Variants in DNAH9 observed in about 807,000 individuals in gnomAD.
DNAH9 encodes dynein axonemal heavy chain 9.
A neutral mutation model predicts 471.6 loss-of-function variants in DNAH9; 345 were observed. That is an observed-to-expected ratio of 0.73 (90% CI 0.67 to 0.80). The LOEUF (loss-of-function observed/expected upper bound fraction) is 0.80. Among genes scored for constraint, DNAH9 ranks in the 30% least tolerant of loss-of-function variants. The pLI is 0.00. For synonymous variants in DNAH9, 2,093 were observed against 2,123.6 expected, an observed-to-expected ratio of 0.99 and a Z score of 0.40; for missense variants, 5,407 against 5,609.2, an observed-to-expected ratio of 0.96 and a Z score of 1.15.
intron 43 of DNAH9, among the ~76,000 whole-genome samples, chr17:11,800,543 C>T (rs1174876851): frequency 2.0e-5 from 3 of 152,128 alleles, no homozygotes; most frequent in Non-Finnish European, 2.9e-5. Context: ...CCCATTTCTC[C>T]GCTCCTATCC....
At chr17:11,784,603 A>G (rs954682390) in intron 41 of DNAH9, 64 bp downstream of exon 41, 253 of 1,607,224 alleles carry the variant, frequency 1.6e-4, no homozygotes, top group Non-Finnish European at 2.0e-4. Flanking sequence ...CCGATTCTTC[A>G]TAAAAATAAG....
chr17:11,667,044 G>A (rs1178033781), intron 15 of DNAH9, among the ~76,000 whole-genome samples: 1 of 152,080 alleles, frequency 6.6e-6, no homozygotes, highest in Non-Finnish European at 1.5e-5. Context: ...TGTGGAACCA[G>A]GACAATCTGC....
chr17:11,906,573 G>A (rs930222437), intron 61 of DNAH9, among the ~76,000 whole-genome samples: 10 of 150,592 alleles, frequency 6.6e-5, no homozygotes, highest in African/African-American at 2.2e-4. Flanking sequence ...GTTGCAGTGA[G>A]CTGAGACCGC....
rs1489865310 is a variant in DNAH9, at chr17:11,643,672, G to A, written c.1902-959G>A. 2.0e-5 allele frequency among the ~76,000 whole-genome samples: 3 copies of A among 152,060 alleles called. 1 individual carries two copies. Among genetic ancestry groups the A allele is most frequent in the Non-Finnish European group, 4.4e-5 (3 of 68,020 alleles). On this transcript the variant is annotated intron_variant, in intron 10 of 68. Coordinates refer to ENST00000262442, the MANE Select transcript of DNAH9 (RefSeq NM_001372.4). ...GTCTAGCTTAGCCTAGGAGCAATAC[G>A]CTCTATGATCAACACGCTCTATGAT...
intron 67 of DNAH9, among the ~76,000 whole-genome samples, chr17:11,957,388 G>A (rs1975700116): frequency 6.6e-6 from 1 of 152,002 alleles, no homozygotes; most frequent in Non-Finnish European, 1.5e-5. Flanking sequence ...ATAGACTTAT[G>A]TTTCCCTATT....
In DNAH9 at chr17:11,631,145, C is replaced by T. The variant is rs145766487; in HGVS notation, c.1519-1442C>T. On this transcript the variant is annotated intron_variant, in intron 7 of 68. Coordinates refer to ENST00000262442, the MANE Select transcript of DNAH9 (RefSeq NM_001372.4). Reference sequence around the variant, plus strand: ...TTTTCCAGGACAGGAACAAAGAGCCCGCATCTCACCTGTAGCCCCAGGAAA... The same window carrying T: ...TTTTCCAGGACAGGAACAAAGAGCCTGCATCTCACCTGTAGCCCCAGGAAA... Among the ~76,000 whole-genome samples the T allele has an allele frequency of 6.7e-3, 1,019 of 151,944 alleles. 16 individuals are homozygous for T. Among genetic ancestry groups the T allele is most frequent in the African/African-American group, 0.023 (969 of 41,392 alleles).
intron 62 of DNAH9, among the ~76,000 whole-genome samples, chr17:11,926,042 A>G (rs1412291401): frequency 8.5e-4 from 121 of 142,320 alleles, no homozygotes; most frequent in Non-Finnish European, 1.7e-3. Flanking sequence ...TCTGAAAAAA[A>G]AAAAAAAAAA....
At chr17:11,935,125 C>A (rs1004183908) in intron 65 of DNAH9, among the ~76,000 whole-genome samples, 2 of 151,346 alleles carry the variant, frequency 1.3e-5, no homozygotes, top group South Asian at 4.2e-4. Flanking sequence ...CCACCACACC[C>A]GGTTTTTGTA....
chr17:11,650,628 T>A (rs1382885869), intron 12 of DNAH9, among the ~76,000 whole-genome samples: 1 of 152,240 alleles, frequency 6.6e-6, no homozygotes, highest in Non-Finnish European at 1.5e-5. Flanking sequence ...AACTGTTTCA[T>A]TTGGAGAGAA....
At position 11,797,704 on chromosome 17, in the gene DNAH9, G is replaced by C. The variant is rs368759713; in HGVS notation, c.8331G>C (p.Leu2777Phe). The C allele has an allele frequency of 2.8e-5, 46 of 1,614,160 alleles. No individual in the cohort carries two copies. In the African/African-American group the frequency reaches 5.7e-4, roughly 20 times the overall value. ...TGCCTGTACAGTCTTGGGAACTTTTGACCCAGACTCTGGTGGAGGCCTTGG... is the reference window on the plus strand; with the variant it reads ...TGCCTGTACAGTCTTGGGAACTTTTCACCCAGACTCTGGTGGAGGCCTTGG... ...KYMPVQSWEL[L>F]TQTLVEALEN... Residue 2777 changes from leucine (L) to phenylalanine (F), a missense_variant, in exon 43 of 69, where the codon TTG (leucine) becomes TTC (phenylalanine). Around this residue, in one of 3 missense-constraint regions of DNAH9, gnomAD observed 4,636 missense variants for 4,900.3 expected, o/e 0.95. Coordinates refer to ENST00000262442, the MANE Select transcript of DNAH9 (RefSeq NM_001372.4).
At chr17:11,716,864 G>C (rs573924316) in intron 26 of DNAH9, among the ~76,000 whole-genome samples, 1 of 152,302 alleles carries the variant, frequency 6.6e-6, no homozygotes, top group South Asian at 2.1e-4. Flanking sequence ...CAGACAGCTT[G>C]TCCTCCTGGG....
intron 26 of DNAH9, among the ~76,000 whole-genome samples, chr17:11,717,494 CAT>C (rs752319503): frequency 1.3e-5 from 2 of 152,112 alleles, no homozygotes; most frequent in Non-Finnish European, 2.9e-5. Flanking sequence ...CTGGTCATCT[CAT>C]AATATCAGAT....
At chr17:11,826,620 G>A (rs11078036) in intron 48 of DNAH9, among the ~76,000 whole-genome samples, 86,707 of 149,826 alleles carry the variant, frequency 0.58, 25,209 homozygotes, top group Non-Finnish European at 0.6. Context: ...CACCATGCCC[G>A]GCTAATTTTT....
At chr17:11,832,279 T>A (rs73296468) in intron 48 of DNAH9, among the ~76,000 whole-genome samples, 5,805 of 152,222 alleles carry the variant, frequency 0.038, 249 homozygotes, top group East Asian at 0.16. Flanking sequence ...TGCTGGTGGT[T>A]ATTTACCTTG....
At position 11,750,793 on chromosome 17, in the gene DNAH9, C is replaced by T. The variant is rs187222155; in HGVS notation, c.6611-2040C>T. On this transcript the variant is annotated intron_variant, in intron 32 of 68. Transcript: ENST00000262442. Reference sequence around the variant, plus strand: ...CCTCTAAGGGAAAACTTTTTAAACTCACTTTATTATAAAAGGTAGGCTGGA... The same window carrying T: ...CCTCTAAGGGAAAACTTTTTAAACTTACTTTATTATAAAAGGTAGGCTGGA... Among the ~76,000 whole-genome samples, 665 of 152,198 alleles carry T rather than the reference C, an allele frequency of 4.4e-3. 5 individuals are homozygous for T. The highest frequency in any genetic ancestry group is 6.8e-3 in the Middle Eastern group (2 of 294).
intron 38 of DNAH9, among the ~76,000 whole-genome samples, chr17:11,773,861 G>T (rs1251874135): frequency 2.0e-5 from 3 of 152,218 alleles, no homozygotes; most frequent in Non-Finnish European, 2.9e-5. Flanking sequence ...GGGGCGTGGA[G>T]GCTCATGCCT....
chr17:11,911,024 A>G (rs558340008), intron 61 of DNAH9, among the ~76,000 whole-genome samples: 46 of 152,250 alleles, frequency 3.0e-4, no homozygotes, highest in African/African-American at 1.0e-3. Flanking sequence ...TATTCTTTGA[A>G]GCAGAAAATT....
chr17:11,742,115 G>A, intron 29 of DNAH9, 60 bp from the exon 30 acceptor site: 2 of 1,510,414 alleles, frequency 1.3e-6, no homozygotes, highest in Non-Finnish European at 1.8e-6. Flanking sequence ...TTTTCTTGCA[G>A]TCTCCTCTTC....
chr17:11,685,748 C>T (rs1357027562), intron 19 of DNAH9, among the ~76,000 whole-genome samples: 1 of 150,578 alleles, frequency 6.6e-6, no homozygotes. Context: ...TTCACTGAGG[C>T]GGGCACAGAA....
Sources: gnomAD v4.1 joint callset for allele counts (sites outside exome capture counted in the v4.1 genomes callset) on GRCh38, gnomAD v4.1.1 for gene constraint, gnomAD v4.1.1 regional missense constraint, MANE v1.5 for transcripts, NCBI Gene and HGNC (gene_info 2026-07-23, HGNC 2026-07-21) for gene names.